Variants in ACSF3 observed in about 807,000 individuals in gnomAD.
ACSF3 encodes acyl-CoA synthetase family member 3, also known as malonate--CoA ligase ACSF3, mitochondrial.
Under a neutral mutation model 53.2 loss-of-function variants are expected in ACSF3, and 78 were observed. That is an observed-to-expected ratio of 1.47 (90% confidence interval 1.22 to 1.77). ACSF3 has a LOEUF of 1.77. ACSF3 is among the 40% of genes most tolerant of loss of function. The pLI, the probability that ACSF3 is intolerant of heterozygous loss-of-function variation, is 0.00. For synonymous variants in ACSF3, 414 were observed against 333.1 expected (o/e 1.24, Z -2.65); for missense variants, 937 against 771.1 (o/e 1.22, Z -2.55).
intron 8 of ACSF3, among the ~76,000 whole-genome samples, chr16:89,137,431 T>C (rs12929197): frequency 2.0e-3 from 174 of 88,214 alleles, no homozygotes; most frequent in Middle Eastern, 0.01. Context: ...CGGGGAAGGA[T>C]TGAGGGGAAG....
intron 7 of ACSF3, 81 bp from the exon 8 acceptor site, chr16:89,133,055 G>T: frequency 6.3e-7 from 1 of 1,588,816 alleles, no homozygotes; most frequent in Non-Finnish European, 8.6e-7. Context: ...GGGTGGGCAG[G>T]GAGCAGCCCA....
At chr16:89,145,223 T>C (rs375854947) in intron 8 of ACSF3, 44 bp from the exon 9 acceptor site, 1 of 1,613,568 alleles carries the variant, frequency 6.2e-7, no homozygotes, top group African/African-American at 1.3e-5. Context: ...GGGGACACCG[T>C]GGTGTTTAAG....
In ACSF3 at chr16:89,101,026, A is replaced by G. The variant is rs1446396475; in HGVS notation, c.345A>G (p.Ser115=). ...DASYVVAQWA[S]WMSGGVAVPL... Reference sequence around the variant, plus strand: ...CCTACGTCGTGGCCCAGTGGGCGTCATGGATGAGTGGCGGTGTGGCAGTCC... The same window carrying G: ...CCTACGTCGTGGCCCAGTGGGCGTCGTGGATGAGTGGCGGTGTGGCAGTCC... Residue 115 remains serine, a synonymous_variant, in exon 3 of 11, where the codon TCA becomes TCG. Transcript: ENST00000614302. 13 of 1,613,926 alleles carry G rather than the reference A, an allele frequency of 8.1e-6. No homozygotes were observed. The highest frequency in any genetic ancestry group is 1.1e-5 in the Non-Finnish European group (13 of 1,179,890).
At chr16:89,132,026 C>T (rs144020828) in intron 7 of ACSF3, among the ~76,000 whole-genome samples, 1 of 152,138 alleles carries the variant, frequency 6.6e-6, no homozygotes, top group African/African-American at 2.4e-5. Flanking sequence ...GGCGTCAGCC[C>T]CTCCTGGAGG....
chr16:89,117,358 A>G (rs1232789583), intron 6 of ACSF3, among the ~76,000 whole-genome samples: 2 of 152,196 alleles, frequency 1.3e-5, no homozygotes, highest in Non-Finnish European at 2.9e-5. Flanking sequence ...TCCCAGGAGC[A>G]CGGTGACCTC....
Position 89,156,230 on chromosome 16 carries a change from C to T in ACSF3, c.*2023C>T, listed in dbSNP as rs1597287705. Among the ~76,000 whole-genome samples the T allele has an allele frequency of 6.6e-6, 1 of 150,778 alleles. No homozygotes were observed. Among genetic ancestry groups the T allele is most frequent in the African/African-American group, 2.4e-5 (1 of 40,868 alleles). ...CTCCCCATTAAAGCCCAGTTTATTC[C>T]CCATCTTGGCCTCTGGTGCTGACCT... On this transcript the variant is annotated 3_prime_UTR_variant, in exon 11 of 11. Coordinates refer to ENST00000614302, the MANE Select transcript of ACSF3 (RefSeq NM_001243279.3).
chr16:89,094,101 C>A (rs1177946011), intron 1 of ACSF3, 105 bp downstream of exon 1: 1 of 151,092 alleles, frequency 6.6e-6, no homozygotes, highest in Non-Finnish European at 1.5e-5. Flanking sequence ...TGGGCTTGAG[C>A]CGTGGCCCGT....
At chr16:89,098,806 A>G (rs1320847932) in intron 2 of ACSF3, 43 bp downstream of exon 2, 2 of 454,086 alleles carry the variant, frequency 4.4e-6, no homozygotes, top group Admixed American at 2.3e-5. Flanking sequence ...GTGTGCGAAC[A>G]AGTGGTTGCC....
chr16:89,122,439 C>G, intron 7 of ACSF3: 1 of 450,400 alleles, frequency 2.2e-6, no homozygotes, highest in Non-Finnish European at 4.5e-6. Context: ...CCTGCTGGTA[C>G]TAGGCTGCTG....
chr16:89,116,740 A>C (rs1199831059), intron 6 of ACSF3, among the ~76,000 whole-genome samples: 1 of 152,166 alleles, frequency 6.6e-6, no homozygotes, highest in East Asian at 1.9e-4. Flanking sequence ...CTCAGACCCC[A>C]GGAAACCGCC....
intron 6 of ACSF3, among the ~76,000 whole-genome samples, chr16:89,118,800 A>G (rs1285642628): frequency 1.3e-5 from 2 of 149,748 alleles, no homozygotes; most frequent in Admixed American, 1.3e-4. Context: ...GTCCCCAGTC[A>G]GAGTTATCAG....
intron 7 of ACSF3, 53 bp downstream of exon 7, chr16:89,120,966 C>T (rs903862003): frequency 1.3e-6 from 2 of 1,539,226 alleles, no homozygotes; most frequent in Non-Finnish European, 1.8e-6. Flanking sequence ...GTCTAGGCCC[C>T]CCAGGGTGGT....
At chr16:89,116,690 G>A (rs1175854548) in intron 6 of ACSF3, among the ~76,000 whole-genome samples, 9 of 152,178 alleles carry the variant, frequency 5.9e-5, no homozygotes, top group Admixed American at 5.9e-4. Flanking sequence ...GGCATGTTGT[G>A]AAAAGAAGTC....
chr16:89,147,814 A>G (rs1175361334), intron 10 of ACSF3: 8 of 152,280 alleles, frequency 5.3e-5, no homozygotes, highest in African/African-American at 1.9e-4. Flanking sequence ...TACATTGCAA[A>G]ATACAATCCT....
intron 1 of ACSF3, among the ~76,000 whole-genome samples, chr16:89,098,285 C>G (rs866796065): frequency 6.6e-6 from 1 of 152,294 alleles, no homozygotes; most frequent in South Asian, 2.1e-4. Flanking sequence ...TTAGTACAAA[C>G]CACAGACAAT....
rs773560813 is a variant in ACSF3 at position 89,120,765 on chromosome 16, T to C, written c.1127-36T>C. 3.1e-6 allele frequency: 5 copies of C among 1,599,972 alleles called. No homozygotes were observed. The South Asian group carries it at 5.5e-5, about 18-fold the overall frequency. On this transcript the variant is annotated intron_variant, in intron 6 of 10. Transcript: ENST00000614302. ...CTTCTCTCCTCCAGGTTCCTCTCAC[T>C]CCAGCCTCCCCTTCAGTGTTTCTCC...
At chr16:89,137,169 G>A (rs554255878) in intron 8 of ACSF3, among the ~76,000 whole-genome samples, 6 of 152,336 alleles carry the variant, frequency 3.9e-5, no homozygotes, top group Admixed American at 2.0e-4. Flanking sequence ...GGTGAATGGC[G>A]TCTTAGGCTC....
chr16:89,145,673 G>A (rs573816840), intron 9 of ACSF3, among the ~76,000 whole-genome samples: 20 of 152,352 alleles, frequency 1.3e-4, no homozygotes, highest in African/African-American at 4.8e-4. Flanking sequence ...GCAGGAAGGT[G>A]GCAGGGAGAG....
chr16:89,148,778 G>A (rs564263259), intron 10 of ACSF3: 13 of 152,264 alleles, frequency 8.5e-5, no homozygotes, highest in Admixed American at 6.5e-4. Flanking sequence ...GGGATGCAGG[G>A]GCCAGTGTCC....
Sources: allele counts gnomAD v4.1 joint callset (sites outside exome capture counted in the v4.1 genomes callset), GRCh38; gene constraint gnomAD v4.1.1; transcripts MANE v1.5; gene names NCBI Gene and HGNC (gene_info 2026-07-23, HGNC 2026-07-21).